The following CPQ variants were observed in gnomAD, a reference collection of about 807,000 sequenced individuals.
CPQ encodes the protein carboxypeptidase Q.
CPQ carries 37 observed loss-of-function variants against 45.7 expected under a neutral mutation model. The ratio of observed to expected loss-of-function variants is 0.81; its 90% confidence interval spans 0.62 to 1.07. The LOEUF (loss-of-function observed/expected upper bound fraction) is 1.07. Ranked by LOEUF, CPQ falls within the 50% of genes least tolerant of loss-of-function variation. The pLI, the probability that CPQ is intolerant of heterozygous loss-of-function variation, is 0.00. For synonymous variants in CPQ, 186 were observed against 205.8 expected, an observed-to-expected ratio of 0.90 and a Z score of 0.82; for missense variants, 537 against 572.9, an observed-to-expected ratio of 0.94 and a Z score of 0.64.
chr8:96,763,719 G>A (rs897755165), intron 1 of CPQ, among the ~76,000 whole-genome samples: 5 of 151,896 alleles, frequency 3.3e-5, no homozygotes, highest in African/African-American at 1.2e-4. Flanking sequence ...AATAAAAAAG[G>A]ACAAAAGATT....
chr8:96,646,415 G>C (rs1815520573), intron 1 of CPQ, among the ~76,000 whole-genome samples: 1 of 152,196 alleles, frequency 6.6e-6, no homozygotes, highest in Non-Finnish European at 1.5e-5. Flanking sequence ...AGAACCATAT[G>C]ACTCTGACTT....
intron 4 of CPQ, among the ~76,000 whole-genome samples, chr8:96,925,984 G>A (rs973588428): frequency 9.2e-5 from 14 of 152,138 alleles, no homozygotes; most frequent in East Asian, 1.9e-4. Context: ...CACCGCGCCC[G>A]GCTGGCATCT....
At chr8:96,707,803 T>A (rs72682313) in intron 1 of CPQ, among the ~76,000 whole-genome samples, 40,028 of 151,940 alleles carry the variant, frequency 0.26, 5,640 homozygotes, top group East Asian at 0.59. Flanking sequence ...AGAGCTGCAT[T>A]CCTTCTGGAG....
intron 4 of CPQ, among the ~76,000 whole-genome samples, chr8:96,962,776 A>G (rs1813482506): frequency 6.6e-6 from 1 of 152,196 alleles, no homozygotes; most frequent in African/African-American, 2.4e-5. Context: ...AGAAGCTCAT[A>G]TATTTGGAAA....
At chr8:96,968,814 CTTAAA>C in intron 5 of CPQ, among the ~76,000 whole-genome samples, 1 of 152,344 alleles carries the variant, frequency 6.6e-6, no homozygotes, top group South Asian at 2.1e-4. Context: ...AAGCCTTCAG[CTTAAA>C]TTATATTCAA....
At chr8:96,666,822 A>G (rs1302041047) in intron 1 of CPQ, among the ~76,000 whole-genome samples, 1 of 152,112 alleles carries the variant, frequency 6.6e-6, no homozygotes, top group African/African-American at 2.4e-5. Flanking sequence ...TCCTGAGCTC[A>G]GTGTTAAAAA....
At chr8:97,036,519 A>G (rs1345393534) in intron 6 of CPQ, among the ~76,000 whole-genome samples, 1 of 152,216 alleles carries the variant, frequency 6.6e-6, no homozygotes, top group African/African-American at 2.4e-5. Context: ...AGATGAGTTT[A>G]TTGAATTTTC....
intron 1 of CPQ, among the ~76,000 whole-genome samples, chr8:96,724,261 T>G (rs576263881): frequency 6.6e-6 from 1 of 152,246 alleles, no homozygotes; most frequent in South Asian, 2.1e-4. Context: ...TCCATATTGT[T>G]GCATATTATA....
rs569393796 is a variant in CPQ, at chr8:96,687,554, A to C, written c.-35+42152A>C. On this transcript the variant is annotated intron_variant, in intron 1 of 7. Transcript: ENST00000220763. ...ATTATTTCACTTTTTATGTTTATTA[A>C]TTTCTTTTTTTCTATTTTCCTGTTT... Among the ~76,000 whole-genome samples the C allele has an allele frequency of 9.2e-5, 14 of 151,932 alleles. No homozygotes were observed. The East Asian group carries it at 2.7e-3, about 29-fold the overall frequency.
intron 2 of CPQ, among the ~76,000 whole-genome samples, chr8:96,809,685 A>G (rs893008891): frequency 6.6e-6 from 1 of 152,152 alleles, no homozygotes; most frequent in African/African-American, 2.4e-5. Context: ...TTCTATATGT[A>G]TTTGTCAAAA....
At chr8:97,123,381 T>C (rs1211734539) in intron 7 of CPQ, among the ~76,000 whole-genome samples, 1 of 150,152 alleles carries the variant, frequency 6.7e-6, no homozygotes. Context: ...GGAAAAAATA[T>C]ATGATAATAG....
intron 1 of CPQ, among the ~76,000 whole-genome samples, chr8:96,658,768 G>A (rs2704244): frequency 0.52 from 78,539 of 152,054 alleles, 22,011 homozygotes; most frequent in Non-Finnish European, 0.63. Flanking sequence ...ATGGAGGAAG[G>A]GGGCCATGAG....
At chr8:96,668,435 T>C (rs1246094726) in intron 1 of CPQ, among the ~76,000 whole-genome samples, 1 of 152,192 alleles carries the variant, frequency 6.6e-6, no homozygotes, top group African/African-American at 2.4e-5. Context: ...ATGATATGCT[T>C]GTGGACATTT....
chr8:96,712,781 T>C (rs1200365407), intron 1 of CPQ, among the ~76,000 whole-genome samples: 3 of 152,110 alleles, frequency 2.0e-5, no homozygotes, highest in Non-Finnish European at 4.4e-5. Flanking sequence ...GTCTCTGACA[T>C]GCCCTGGAGA....
intron 1 of CPQ, among the ~76,000 whole-genome samples, chr8:96,664,662 A>G (rs1355296096): frequency 6.6e-6 from 1 of 152,218 alleles, no homozygotes. Flanking sequence ...GGAATAAGAA[A>G]GGAGGTGAGG....
At chr8:96,747,310 A>T (rs1409821346) in intron 1 of CPQ, among the ~76,000 whole-genome samples, 8 of 147,934 alleles carry the variant, frequency 5.4e-5, no homozygotes, top group Non-Finnish European at 1.2e-4. Flanking sequence ...AAAAAAAAAC[A>T]CTGTTTGACT....
chr8:97,072,840 T>A (rs1333341369), intron 7 of CPQ, among the ~76,000 whole-genome samples: 1 of 152,186 alleles, frequency 6.6e-6, no homozygotes, highest in Non-Finnish European at 1.5e-5. Flanking sequence ...CCTCTCCTCT[T>A]AGTACTTATC....
chr8:96,790,510 C>G lies in CPQ; in HGVS notation c.433+5180C>G, dbSNP rs1810832460. Among the ~76,000 whole-genome samples, 3 of 152,170 alleles carry G rather than the reference C, an allele frequency of 2.0e-5. 1 individual carries two copies. In the South Asian group the frequency reaches 6.2e-4, roughly 31 times the overall value. On this transcript the variant is annotated intron_variant, in intron 2 of 7. Transcript: ENST00000220763. ...GCATTGCTTGACTAGAACAGAGGTT[C>G]TACCACAAGGTAATGGGGTTGGGGA... is the stretch of plus-strand genomic sequence containing the variant.
intron 1 of CPQ, among the ~76,000 whole-genome samples, chr8:96,740,229 G>A (rs1357157248): frequency 6.6e-6 from 1 of 152,114 alleles, no homozygotes; most frequent in African/African-American, 2.4e-5. Flanking sequence ...AAGCAATTGT[G>A]AATGGGAGTT....
Sources: gnomAD v4.1 joint callset for allele counts (sites outside exome capture counted in the v4.1 genomes callset) on GRCh38, gnomAD v4.1.1 for gene constraint, MANE v1.5 for transcripts, NCBI Gene and HGNC (gene_info 2026-07-23, HGNC 2026-07-21) for gene names.